Variants in NUP210 observed in about 807,000 individuals in gnomAD.
NUP210 encodes nucleoporin 210, also known as nuclear pore membrane glycoprotein 210.
A neutral mutation model predicts 196.0 loss-of-function variants in NUP210; 151 were observed. The observed-to-expected ratio is 0.77, with a 90% CI of 0.67 to 0.88. NUP210 has a LOEUF of 0.88. Ranked by LOEUF, NUP210 falls within the 40% of genes least tolerant of loss-of-function variation. The probability of loss-of-function intolerance (pLI) is 0.00; values close to 1 mark genes in which losing one functional copy is unlikely to be tolerated. For synonymous variants in NUP210, 1,070 were observed against 1,052.7 expected, an observed-to-expected ratio of 1.02 and a Z score of -0.32; for missense variants, 2,314 against 2,493.7, an observed-to-expected ratio of 0.93 and a Z score of 1.53.
chr3:13,359,952 C>T (rs776912924), intron 15 of NUP210, among the ~76,000 whole-genome samples: 31 of 152,244 alleles, frequency 2.0e-4, no homozygotes, highest in Non-Finnish European at 4.1e-4. Flanking sequence ...AGACATTGGA[C>T]TTGTGACCCC....
intron 1 of NUP210, among the ~76,000 whole-genome samples, chr3:13,403,235 A>G (rs1699899051): frequency 6.6e-6 from 1 of 152,198 alleles, no homozygotes; most frequent in Admixed American, 6.5e-5. Flanking sequence ...GGTTTTTCCA[A>G]CAACAGAAAT....
chr3:13,395,328 C>A (rs1699617285), intron 3 of NUP210, among the ~76,000 whole-genome samples: 1 of 152,216 alleles, frequency 6.6e-6, no homozygotes, highest in African/African-American at 2.4e-5. Flanking sequence ...GAGATCATGG[C>A]ACCTTCACAC....
rs1697448666 is a variant in NUP210 at position 13,340,763 on chromosome 3, G to T, written c.3229-465C>A. ...CGATATGGGAGCACCCAGACCCCCA[G>T]AGGTTGCTCTTCTAGCACACCCTCC... On this transcript the variant is annotated intron_variant, in intron 23 of 39. Transcript: ENST00000254508. This position sits in a 1 kb window ranked among gnomAD's most constrained non-coding sequence, Gnocchi z 4.0. 6.6e-6 allele frequency among the ~76,000 whole-genome samples: 1 copy of T among 152,070 alleles called. No individual in the cohort carries two copies. Among genetic ancestry groups the T allele is most frequent in the Admixed American group, 6.5e-5 (1 of 15,282 alleles).
At chr3:13,349,234 G>A (rs555670911) in intron 20 of NUP210, among the ~76,000 whole-genome samples, 3 of 152,282 alleles carry the variant, frequency 2.0e-5, no homozygotes, top group East Asian at 1.9e-4. Flanking sequence ...GCGGGGCTCC[G>A]CTCCATACTG....
At chr3:13,357,269 G>A (rs1469460097) in intron 16 of NUP210, among the ~76,000 whole-genome samples, 1 of 152,246 alleles carries the variant, frequency 6.6e-6, no homozygotes, top group East Asian at 1.9e-4. Context: ...GAGTTCCACA[G>A]CGTTAGATAG....
chr3:13,340,083 C>A lies in NUP210; in HGVS notation c.3292-50G>T. 6.2e-7 allele frequency: 1 copy of A among 1,603,596 alleles called. No individual in the cohort carries two copies. Among genetic ancestry groups the A allele is most frequent in the South Asian group, 1.1e-5 (1 of 90,258 alleles). On this transcript the variant is annotated intron_variant, in intron 24 of 39. Coordinates refer to ENST00000254508, the MANE Select transcript of NUP210 (RefSeq NM_024923.4). The surrounding 1 kb of genome is among the most constrained non-coding windows in gnomAD (Gnocchi z 4.0). ...TGTCAGTGCCCGTCATGCCAGGCAG[C>A]CCGCACCTCCCACTCAGAGAGCCAG...
At position 13,349,479 on chromosome 3, in the gene NUP210, G is replaced by A. The variant is rs546915089; in HGVS notation, c.2835+2400C>T. Among the ~76,000 whole-genome samples the A allele has an allele frequency of 1.2e-4, 18 of 152,278 alleles. No individual in the cohort carries two copies. In the South Asian group the frequency reaches 1.5e-3, roughly 12 times the overall value. ...GGCACCCGTGAGAATACTGGGGCCC[G>A]GCTGCCCTTCCCTGGCTCATGGGGT... On this transcript the variant is annotated intron_variant, in intron 20 of 39. Coordinates refer to ENST00000254508, the MANE Select transcript of NUP210 (RefSeq NM_024923.4).
chr3:13,359,916 A>G (rs1038875003), intron 15 of NUP210, among the ~76,000 whole-genome samples: 4 of 152,254 alleles, frequency 2.6e-5, no homozygotes, highest in African/African-American at 9.6e-5. Context: ...ACCTGGGTCT[A>G]CAGCCTCATT....
chr3:13,321,878 G>A (rs369726345), intron 35 of NUP210, 43 bp from the exon 36 acceptor site: 22 of 1,580,064 alleles, frequency 1.4e-5, no homozygotes, highest in East Asian at 2.2e-5. Context: ...TCTCCTGCCC[G>A]TGCACTGATG....
chr3:13,353,529 C>G (rs1185895956), intron 18 of NUP210, 25 bp downstream of exon 18: 4 of 1,576,260 alleles, frequency 2.5e-6, no homozygotes, highest in Non-Finnish European at 3.5e-6. Flanking sequence ...CCATAGCCCA[C>G]CCACCACTGG....
chr3:13,337,123 C>G, intron 26 of NUP210: 1 of 485,138 alleles, frequency 2.1e-6, no homozygotes, highest in Non-Finnish European at 3.7e-6. Context: ...TGTCCCTCCC[C>G]TGCAGCGGGC....
chr3:13,389,881 G>C (rs1427161945), intron 4 of NUP210, among the ~76,000 whole-genome samples: 1 of 151,988 alleles, frequency 6.6e-6, no homozygotes, highest in African/African-American at 2.4e-5. Flanking sequence ...ACAACGTTCG[G>C]ACCCTGGCCG....
intron 1 of NUP210, among the ~76,000 whole-genome samples, chr3:13,418,190 C>T (rs563660309): frequency 6.6e-6 from 1 of 152,352 alleles, no homozygotes; most frequent in Non-Finnish European, 1.5e-5. Context: ...CAAGTTCAGC[C>T]TCTGGCATCA....
At chr3:13,358,424 C>G (rs1279822737) in intron 15 of NUP210, 29 bp from the exon 16 acceptor site, 8 of 1,580,448 alleles carry the variant, frequency 5.1e-6, no homozygotes, top group African/African-American at 1.3e-5. Flanking sequence ...CAGTCAGACC[C>G]CCAAGCTTGA....
chr3:13,394,759 T>A (rs1699598626), intron 3 of NUP210, among the ~76,000 whole-genome samples: 1 of 152,242 alleles, frequency 6.6e-6, no homozygotes, highest in African/African-American at 2.4e-5. Context: ...TGAGCAATTC[T>A]CTTTCTTGAC....
At position 13,388,409 on chromosome 3, in the gene NUP210, A is replaced by G; in HGVS notation, c.578T>C (p.Ile193Thr). The G allele has an allele frequency of 6.2e-7, 1 of 1,612,632 alleles. No homozygotes were observed. Among genetic ancestry groups the G allele is most frequent in the East Asian group, 2.2e-5 (1 of 44,708 alleles). ...CTTGGCAGCCTTCTCCATCTCTGAG[A>G]TGTAAGAAGGAGGGATGTACGTAGA... ...LESTYIPPSY[I>T]SEMEKAAKQG... Residue 193 changes from isoleucine (I) to threonine (T), a missense_variant, in exon 5 of 40, where the codon ATC becomes ACC. By Grantham distance (89) the Ile-to-Thr change is moderately conservative. Coordinates refer to ENST00000254508, the MANE Select transcript of NUP210 (RefSeq NM_024923.4).
intron 13 of NUP210, among the ~76,000 whole-genome samples, chr3:13,370,062 T>C (rs912462544): frequency 2.6e-5 from 4 of 152,170 alleles, no homozygotes; most frequent in Non-Finnish European, 5.9e-5. Context: ...AGGGTGGGTA[T>C]TATAGGGACA....
rs542854320 is a variant in NUP210 at position 13,328,255 on chromosome 3, G to GA, written c.4286+515dup. Reference sequence around the variant, plus strand: ...CTCATGACCACTCCCTCAGCTGAAGGAAAGCCCTGGAACCTAGGCCATATT... The same window carrying GA: ...CTCATGACCACTCCCTCAGCTGAAGGAAAAGCCCTGGAACCTAGGCCATATT... On this transcript the variant is annotated intron_variant, in intron 31 of 39. Coordinates refer to ENST00000254508, the MANE Select transcript of NUP210 (RefSeq NM_024923.4). Among the ~76,000 whole-genome samples the GA allele has an allele frequency of 1.8e-4, 27 of 152,350 alleles. 1 individual carries two copies. In the East Asian group the frequency reaches 5.2e-3, roughly 29 times the overall value.
chr3:13,393,391 C>T (rs1045705654), intron 3 of NUP210, among the ~76,000 whole-genome samples: 1 of 152,210 alleles, frequency 6.6e-6, no homozygotes. Context: ...CCTGGAAGTC[C>T]ACCACGTTCA....
Sources: gnomAD v4.1 joint callset for allele counts (sites outside exome capture counted in the v4.1 genomes callset) on GRCh38, gnomAD v4.1.1 for gene constraint, Gnocchi (gnomAD v3.1) non-coding constraint, MANE v1.5 for transcripts, NCBI Gene and HGNC (gene_info 2026-07-23, HGNC 2026-07-21) for gene names.